Variants in TMC5 observed in about 807,000 individuals in gnomAD.
The protein encoded by TMC5 is transmembrane channel-like protein 5.
TMC5 carries 86 observed loss-of-function variants against 110.5 expected under a neutral mutation model. The observed-to-expected ratio is 0.78, with a 90% CI of 0.65 to 0.93. The LOEUF is 0.93. Ranked by LOEUF, TMC5 falls within the 40% of genes least tolerant of loss-of-function variation. The probability of loss-of-function intolerance (pLI) is 0.00; values close to 1 mark genes in which losing one functional copy is unlikely to be tolerated. For synonymous variants in TMC5, 455 were observed against 439.5 expected, an observed-to-expected ratio of 1.04 and a Z score of -0.44; for missense variants, 1,144 against 1,222.8, an observed-to-expected ratio of 0.94 and a Z score of 0.96.
intron 4 of TMC5, among the ~76,000 whole-genome samples, chr16:19,448,807 A>G (rs1375491304): frequency 6.8e-6 from 1 of 146,798 alleles, no homozygotes; most frequent in Non-Finnish European, 1.5e-5. Flanking sequence ...TATATAAAAT[A>G]TATAGTATAA....
At chr16:19,469,084 G>A (rs577130847) in intron 9 of TMC5, among the ~76,000 whole-genome samples, 2 of 152,250 alleles carry the variant, frequency 1.3e-5, no homozygotes, top group South Asian at 2.1e-4. Flanking sequence ...GTTTTTAGCC[G>A]CTAAGTTGGT....
intron 20 of TMC5, among the ~76,000 whole-genome samples, chr16:19,495,852 C>T (rs946148271): frequency 2.0e-5 from 3 of 151,640 alleles, no homozygotes; most frequent in Non-Finnish European, 4.4e-5. Flanking sequence ...AAAAAATTAC[C>T]CTGGGCACAG....
intron 5 of TMC5, among the ~76,000 whole-genome samples, chr16:19,453,848 C>T (rs140129197): frequency 0.017 from 2,637 of 152,192 alleles, 37 homozygotes; most frequent in Non-Finnish European, 0.028. Context: ...CCCTAGGAAG[C>T]ACCTGCCACA....
intron 9 of TMC5, among the ~76,000 whole-genome samples, chr16:19,467,374 T>G (rs560978280): frequency 6.6e-6 from 1 of 152,278 alleles, no homozygotes; most frequent in African/African-American, 2.4e-5. Context: ...CTTCACATGG[T>G]TATCCCTCTG....
chr16:19,469,552 C>T (rs1968272671), intron 9 of TMC5, 129 bp from the exon 10 acceptor site: 2 of 1,170,538 alleles, frequency 1.7e-6, no homozygotes, highest in South Asian at 1.4e-5. Context: ...CCGCTCCAGG[C>T]CAACAGCTTG....
At chr16:19,428,684 C>T (rs1398256041) in intron 1 of TMC5, among the ~76,000 whole-genome samples, 1 of 152,174 alleles carries the variant, frequency 6.6e-6, no homozygotes, top group East Asian at 1.9e-4. Flanking sequence ...AAAAATCTTA[C>T]ATTCTCTTTA....
chr16:19,479,339 A>G, intron 13 of TMC5, 92 bp from the exon 14 acceptor site: 6 of 946,600 alleles, frequency 6.3e-6, no homozygotes, highest in South Asian at 3.9e-5. Flanking sequence ...ACCATTAGCT[A>G]TGTCCTGATG....
At chr16:19,497,736 T>G (rs1025593619) in intron 21 of TMC5, among the ~76,000 whole-genome samples, 184 bp from the exon 22 acceptor site, 5 of 152,126 alleles carry the variant, frequency 3.3e-5, no homozygotes, top group Admixed American at 2.0e-4. Context: ...CATTTATTTT[T>G]GGGGGATAGC....
At chr16:19,433,223 T>C (rs1235159646) in intron 2 of TMC5, among the ~76,000 whole-genome samples, 2 of 152,198 alleles carry the variant, frequency 1.3e-5, no homozygotes, top group Admixed American at 1.3e-4. Flanking sequence ...TGTGGGTAGG[T>C]GCAGGTGGGC....
At position 19,445,403 on chromosome 16, in the gene TMC5, T is replaced by G. The variant is rs546830704; in HGVS notation, c.958+1153T>G. ...GACTACAGTTGCATGCCACCATGCC[T>G]GGCACTTTTTTTATGCTTGAGAAAG... On this transcript the variant is annotated intron_variant, in intron 4 of 21. Transcript: ENST00000542583. 1.3e-4 allele frequency among the ~76,000 whole-genome samples: 20 copies of G among 152,128 alleles called. 2 individuals are homozygous for G. In the South Asian group the frequency reaches 3.9e-3, roughly 30 times the overall value.
chr16:19,466,517 A>T (rs1230102372), intron 9 of TMC5, among the ~76,000 whole-genome samples: 1 of 151,984 alleles, frequency 6.6e-6, no homozygotes, highest in Non-Finnish European at 1.5e-5. Context: ...ACGCCCCGCT[A>T]ATGTTTGTAT....
intron 4 of TMC5, among the ~76,000 whole-genome samples, chr16:19,447,847 C>T (rs916009426): frequency 7.9e-5 from 12 of 152,058 alleles, no homozygotes; most frequent in African/African-American, 2.4e-4. Context: ...CACCACCACA[C>T]CTAGCCTGTT....
At chr16:19,460,018 C>G (rs1967980888) in intron 5 of TMC5, among the ~76,000 whole-genome samples, 1 of 151,340 alleles carries the variant, frequency 6.6e-6, no homozygotes, top group Non-Finnish European at 1.5e-5. Flanking sequence ...GAGAAAAACA[C>G]TGAATTGGAA....
At position 19,449,574 on chromosome 16, in the gene TMC5, G is replaced by A. The variant is rs995327376; in HGVS notation, c.991G>A (p.Val331Ile). The change falls in exon 5 of 22, where the codon GTC (valine) becomes ATC (isoleucine). Residue 331 changes from valine to isoleucine, a missense_variant. Transcript: ENST00000542583. ...NPAYVGESGP[V>I]HAYGNPPLSE... is the part of the protein sequence containing the mutation. ...TGCTTATGTAGGTGAAAGTGGTCCT[G>A]TCCATGCTTATGGAAACCCACCATT... The A allele has an allele frequency of 6.2e-7, 1 of 1,614,166 alleles. No homozygotes were observed. The highest frequency in any genetic ancestry group is 2.2e-5 in the East Asian group (1 of 44,872).
Position 19,490,560 on chromosome 16 carries a change from C to T in TMC5, c.2739C>T (p.Leu913=), listed in dbSNP as rs982760284. 2.5e-6 allele frequency: 4 copies of T among 1,613,964 alleles called. No homozygotes were observed. The African/African-American group carries it at 4.0e-5, about 16-fold the overall frequency. ...TGCACTTCTTTTTCATCCTCACCCT[C>T]ATTGTGCTGTGAGTGTGGTACCCGG... The part of the protein sequence containing the change: ...GSVHFFFILT[L]IVLIITYLYW... Residue 913 remains leucine, a synonymous_variant, in exon 18 of 22, where the codon CTC becomes CTT. Transcript: ENST00000542583.
intron 1 of TMC5, among the ~76,000 whole-genome samples, chr16:19,428,150 G>A (rs976750961): frequency 1.3e-5 from 2 of 152,034 alleles, no homozygotes; most frequent in Admixed American, 6.6e-5. Flanking sequence ...CTTAGCTAGC[G>A]GAAAGAGATT....
Position 19,481,463 on chromosome 16 carries a change from G to A in TMC5, c.2361G>A (p.Val787=), listed in dbSNP as rs750527798. ...AACTGATCTATGCACAAACTCTGGT[G>A]TGGTAAGTTTTGTGACTCAGCAAAA... ...VLELIYAQTL[V]WIGIFFCPLL... Residue 787 remains valine, a splice_region_variant and synonymous_variant, in exon 15 of 22, where the codon GTG becomes GTA. Transcript: ENST00000542583. 1.2e-6 allele frequency: 2 copies of A among 1,612,452 alleles called. No homozygotes were observed. The highest frequency in any genetic ancestry group is 2.2e-5 in the South Asian group (2 of 91,024).
intron 17 of TMC5, 117 bp from the exon 18 acceptor site, chr16:19,490,278 T>C (rs982708506): frequency 5.7e-5 from 58 of 1,011,904 alleles, no homozygotes; most frequent in Middle Eastern, 2.2e-4. Context: ...GTGGGTGTGA[T>C]TGGATCAGGC....
intron 1 of TMC5, among the ~76,000 whole-genome samples, chr16:19,427,079 T>C (rs76374680): frequency 6.7e-5 from 3 of 44,768 alleles, no homozygotes; most frequent in Admixed American, 7.2e-4. Flanking sequence ...TGTGCCCCCC[T>C]CTCCAGCAGG....
Sources: allele counts gnomAD v4.1 joint callset (sites outside exome capture counted in the v4.1 genomes callset), GRCh38; gene constraint gnomAD v4.1.1; transcripts MANE v1.5; gene names NCBI Gene and HGNC (gene_info 2026-07-23, HGNC 2026-07-21).